Variants in NIM1K observed in about 807,000 individuals in gnomAD.
NIM1K encodes the protein serine/threonine-protein kinase NIM1.
A neutral mutation model predicts 37.1 loss-of-function variants in NIM1K; 35 were observed. The observed-to-expected ratio is 0.94, with a 90% CI of 0.72 to 1.25. The LOEUF is 1.25. Ranked by LOEUF, NIM1K falls within the 50% of genes most tolerant of loss-of-function variation. NIM1K has a pLI of 0.00. For missense variants in NIM1K, 564 were observed against 548.0 expected, an observed-to-expected ratio of 1.03 and a Z score of -0.29; for synonymous variants, 234 against 206.6, an observed-to-expected ratio of 1.13 and a Z score of -1.14.
At chr5:43,263,550 C>A (rs139650516) in intron 2 of NIM1K, among the ~76,000 whole-genome samples, 4,826 of 144,676 alleles carry the variant, frequency 0.033, 282 homozygotes, top group African/African-American at 0.11. Context: ...TTGATCTTTT[C>A]AAAAAAAAAA....
chr5:43,265,087 A>G (rs1753104729), intron 2 of NIM1K, among the ~76,000 whole-genome samples: 1 of 151,998 alleles, frequency 6.6e-6, no homozygotes, highest in African/African-American at 2.4e-5. Context: ...GAATCTGACA[A>G]TTGTGTCTTG....
Position 43,213,744 on chromosome 5 carries a change from G to T in NIM1K, c.-695+21333G>T, listed in dbSNP as rs549825912. 4.0e-5 allele frequency among the ~76,000 whole-genome samples: 6 copies of T among 151,734 alleles called. No homozygotes were observed. The South Asian group carries it at 1.3e-3, about 32-fold the overall frequency. On this transcript the variant is annotated intron_variant, in intron 1 of 3. Transcript: ENST00000326035. ...CTCCTGGCCTCAGGTGATCCACCCA[G>T]CTTGGCCTCCCAAAGTGCTGGGATT...
At chr5:43,213,289 CCTTTTCTTTTCTTTT>C (rs1172681240) in intron 1 of NIM1K, among the ~76,000 whole-genome samples, 60 of 37,840 alleles carry the variant, frequency 1.6e-3, no homozygotes, top group African/African-American at 2.9e-3. Context: ...TGTTTCCTTT[CCTTTTCTTTTCTTTT>C]CTTTTCTTTT....
intron 2 of NIM1K, among the ~76,000 whole-genome samples, chr5:43,263,377 A>G (rs1753067094): frequency 6.6e-6 from 1 of 151,408 alleles, no homozygotes. Context: ...TTTCTTCTAG[A>G]TTTTCTAGTT....
intron 3 of NIM1K, 140 bp from the exon 4 acceptor site, chr5:43,279,840 G>A (rs1753409443): frequency 1.4e-6 from 1 of 703,800 alleles, no homozygotes; most frequent in Non-Finnish European, 2.4e-6. Context: ...TTATGACAGG[G>A]TTTGCTATCA....
chr5:43,276,414 C>T (rs1561096557), intron 2 of NIM1K, among the ~76,000 whole-genome samples: 1 of 152,202 alleles, frequency 6.6e-6, no homozygotes, highest in African/African-American at 2.4e-5. Context: ...GAACTCAGAG[C>T]GAGAGCTCAC....
chr5:43,261,371 T>C (rs1170330447), intron 2 of NIM1K, among the ~76,000 whole-genome samples: 1 of 152,252 alleles, frequency 6.6e-6, no homozygotes, highest in East Asian at 1.9e-4. Context: ...ATGATGAGCA[T>C]TTTTTCATGT....
chr5:43,235,143 A>G (rs1230785465), intron 1 of NIM1K, among the ~76,000 whole-genome samples: 1 of 152,268 alleles, frequency 6.6e-6, no homozygotes, highest in African/African-American at 2.4e-5. Flanking sequence ...TTAAACATAT[A>G]GACAAGGGTG....
intron 1 of NIM1K, among the ~76,000 whole-genome samples, chr5:43,224,146 TCC>T (rs1285991454): frequency 1.3e-5 from 2 of 151,548 alleles, no homozygotes; most frequent in East Asian, 3.9e-4. Flanking sequence ...CAAGCTATCC[TCC>T]CCCCTCTTGC....
At chr5:43,255,049 G>A (rs559292297) in intron 2 of NIM1K, among the ~76,000 whole-genome samples, 1 of 152,258 alleles carries the variant, frequency 6.6e-6, no homozygotes, top group Non-Finnish European at 1.5e-5. Context: ...GTTATTTATA[G>A]TGTCGAGAAC....
chr5:43,275,390 C>A (rs1297780700), intron 2 of NIM1K, among the ~76,000 whole-genome samples: 1 of 152,196 alleles, frequency 6.6e-6, no homozygotes, highest in Non-Finnish European at 1.5e-5. Context: ...ACACATGCAT[C>A]CTTGTACATG....
intron 1 of NIM1K, among the ~76,000 whole-genome samples, chr5:43,196,702 G>C (rs1169392768): frequency 2.0e-5 from 3 of 152,020 alleles, no homozygotes; most frequent in African/African-American, 7.2e-5. Flanking sequence ...AGTCTCCAGA[G>C]GCAATCATTT....
intron 1 of NIM1K, among the ~76,000 whole-genome samples, chr5:43,213,165 T>G (rs2877045): frequency 2.6e-5 from 1 of 39,082 alleles, no homozygotes; most frequent in Admixed American, 2.5e-4. Context: ...TTCTTTCTTT[T>G]TTTCTTTCTT....
intron 1 of NIM1K, among the ~76,000 whole-genome samples, chr5:43,213,220 TCTTTC>T: frequency 1.6e-5 from 1 of 63,208 alleles, no homozygotes; most frequent in South Asian, 4.5e-4. Flanking sequence ...TTTCTTTCTT[TCTTTC>T]CTTCTTTTCT....
chr5:43,280,246 G>C lies in NIM1K; in HGVS notation c.828G>C (p.Val276=). 1 of 1,614,086 alleles carries C rather than the reference G, an allele frequency of 6.2e-7. No homozygotes were observed. Among genetic ancestry groups the C allele is most frequent in the South Asian group, 1.1e-5 (1 of 91,086 alleles). Reference sequence around the variant, plus strand: ...CCATGCCATTTCGGGCAGAAACCGTGGCCAAACTAAAAAAGAGCATCCTCG... The same window carrying C: ...CCATGCCATTTCGGGCAGAAACCGTCGCCAAACTAAAAAAGAGCATCCTCG... ...TGTMPFRAET[V]AKLKKSILEG... is the part of the protein sequence containing the mutation. The change falls in exon 4 of 4, where the codon GTG becomes GTC. Residue 276 remains valine, a synonymous_variant. Coordinates refer to ENST00000326035, the MANE Select transcript of NIM1K (RefSeq NM_153361.4).
chr5:43,221,039 T>G (rs1752373658), intron 1 of NIM1K, among the ~76,000 whole-genome samples: 1 of 152,134 alleles, frequency 6.6e-6, no homozygotes, highest in Non-Finnish European at 1.5e-5. Flanking sequence ...GAATGAATGA[T>G]GATCTCCATA....
intron 1 of NIM1K, among the ~76,000 whole-genome samples, chr5:43,198,491 T>C (rs568299581): frequency 6.6e-6 from 1 of 152,094 alleles, no homozygotes; most frequent in South Asian, 2.1e-4. Context: ...TATTGCCTTT[T>C]ATTTTCAACA....
rs1752758078 is a variant in NIM1K at position 43,245,253 on chromosome 5, G to A, written c.-523G>A. 1 of 152,330 alleles carries A rather than the reference G, an allele frequency of 6.6e-6. No homozygotes were observed. The highest frequency in any genetic ancestry group is 1.5e-5 in the Non-Finnish European group (1 of 68,114). 9.4% of individuals were successfully genotyped at this position (152,330 alleles called of 1,614,324 possible). ...TGGGGTCCAGATTATTAGGTCTCCA[G>A]CGCCCTGCAGCTTGACAGAAAGAGA... is the stretch of plus-strand genomic sequence containing the variant. On this transcript the variant is annotated 5_prime_UTR_variant, in exon 2 of 4. Transcript: ENST00000326035.
intron 1 of NIM1K, among the ~76,000 whole-genome samples, chr5:43,244,256 A>G (rs1390610888): frequency 9.2e-5 from 14 of 152,354 alleles, no homozygotes; most frequent in Admixed American, 7.2e-4. Context: ...AGTTTAACAC[A>G]TATTTACTTA....
Sources: gnomAD v4.1 joint callset for allele counts (sites outside exome capture counted in the v4.1 genomes callset) on GRCh38, gnomAD v4.1.1 for gene constraint, MANE v1.5 for transcripts, NCBI Gene and HGNC (gene_info 2026-07-23, HGNC 2026-07-21) for gene names.